The following DOCK4 variants were observed in gnomAD, a reference collection of about 807,000 sequenced individuals.
The protein encoded by DOCK4 is dedicator of cytokinesis protein 4.
In DOCK4, 97 loss-of-function variants were observed where a neutral mutation model predicts 268.1. That is an observed-to-expected ratio of 0.36 (90% CI 0.31 to 0.43). DOCK4 has a LOEUF of 0.43. Among genes scored for constraint, DOCK4 ranks in the 20% least tolerant of loss-of-function variants. The pLI, the probability that DOCK4 is intolerant of heterozygous loss-of-function variation, is 1.00. For synonymous variants in DOCK4, 954 were observed against 887.2 expected (o/e 1.08, Z -1.34); for missense variants, 2,145 against 2,455.7 (o/e 0.87, Z 2.67).
chr7:111,839,508 T>C (rs1380298554), intron 25 of DOCK4, among the ~76,000 whole-genome samples: 1 of 152,230 alleles, frequency 6.6e-6, no homozygotes, highest in Non-Finnish European at 1.5e-5. Context: ...CAATAAGGAA[T>C]AGACTTTCAT....
chr7:112,041,592 C>T (rs1226638892), intron 1 of DOCK4, among the ~76,000 whole-genome samples: 1 of 152,152 alleles, frequency 6.6e-6, no homozygotes, highest in Non-Finnish European at 1.5e-5. Flanking sequence ...GATTCCAAAC[C>T]CAATACCATT....
At chr7:111,934,523 G>GTTTTTTTTTTTTTTTTTTTTTTTTT (rs1183672033) in intron 12 of DOCK4, among the ~76,000 whole-genome samples, 3 of 83,872 alleles carry the variant, frequency 3.6e-5, no homozygotes, top group African/African-American at 1.2e-4. Context: ...TTTTGTTTTT[G>GTTTTTTTTTTTTTTTTTTTTTTTTT]TTTTTTTTTT....
chr7:112,064,943 AC>A (rs1806782021), intron 1 of DOCK4, among the ~76,000 whole-genome samples: 1 of 152,176 alleles, frequency 6.6e-6, no homozygotes, highest in Admixed American at 6.5e-5. Context: ...CTCTGGAGAA[AC>A]CAAACCTGCT....
chr7:111,768,266 T>A (rs529102236), intron 37 of DOCK4, among the ~76,000 whole-genome samples: 33 of 152,240 alleles, frequency 2.2e-4, no homozygotes, highest in Non-Finnish European at 3.8e-4. Flanking sequence ...GACCAATAAA[T>A]GAATTCAGAG....
chr7:111,936,623 T>C (rs913509603), intron 11 of DOCK4, among the ~76,000 whole-genome samples: 2 of 152,132 alleles, frequency 1.3e-5, no homozygotes, highest in African/African-American at 2.4e-5. Context: ...CTCTCCCAGA[T>C]TGGCTGGGGA....
At chr7:111,863,120 G>GCTT (rs1805686840) in intron 23 of DOCK4, 1 of 460,810 alleles carries the variant, frequency 2.2e-6, no homozygotes, top group African/African-American at 2.0e-5. Context: ...AAGCATCTCT[G>GCTT]AAGGAGTGTT....
intron 1 of DOCK4, among the ~76,000 whole-genome samples, chr7:112,118,268 C>T (rs2115841447): frequency 6.6e-6 from 1 of 152,102 alleles, no homozygotes; most frequent in African/African-American, 2.4e-5. Context: ...CTTACTTGGG[C>T]TATATTCAAT....
chr7:111,816,374 A>T (rs1014582277), intron 27 of DOCK4, among the ~76,000 whole-genome samples: 7 of 152,192 alleles, frequency 4.6e-5, no homozygotes, highest in African/African-American at 1.7e-4. Flanking sequence ...GGCAGCAAAA[A>T]ATCAACGCAA....
Position 111,755,710 on chromosome 7 carries a change from C to T in DOCK4, c.4330-109G>A, listed in dbSNP as rs563834649. 171 of 969,148 alleles carry T rather than the reference C, an allele frequency of 1.8e-4. 1 individual carries two copies. In the Middle Eastern group the frequency reaches 6.5e-3, roughly 37 times the overall value. 60.0% of individuals were successfully genotyped at this position (969,148 alleles called of 1,614,324 possible). On this transcript the variant is annotated intron_variant, in intron 41 of 52. Coordinates refer to ENST00000428084, the MANE Select transcript of DOCK4 (RefSeq NM_001363540.2). ...ACCAGGCTTTGCTTATTCCTGTCAGCCTTTCTTTAGTCTTCATTCAAGCAC... is the reference window on the plus strand; with the variant it reads ...ACCAGGCTTTGCTTATTCCTGTCAGTCTTTCTTTAGTCTTCATTCAAGCAC...
intron 1 of DOCK4, among the ~76,000 whole-genome samples, chr7:112,045,610 A>T (rs766442221): frequency 9.2e-5 from 14 of 152,250 alleles, no homozygotes; most frequent in Non-Finnish European, 2.1e-4. Flanking sequence ...GCTGAGAACA[A>T]AGATCAAGTC....
chr7:112,103,425 G>A (rs1359195551), intron 1 of DOCK4, among the ~76,000 whole-genome samples: 1 of 152,118 alleles, frequency 6.6e-6, no homozygotes. Context: ...GTTCCTGAGA[G>A]CCAGGGGGAA....
intron 8 of DOCK4, among the ~76,000 whole-genome samples, chr7:111,951,029 C>T (rs140288872): frequency 2.5e-4 from 38 of 152,192 alleles, no homozygotes; most frequent in African/African-American, 3.9e-4. Context: ...GCAATCTCTC[C>T]GCAGGAGAAA....
intron 42 of DOCK4, among the ~76,000 whole-genome samples, chr7:111,751,330 G>A (rs1475751790): frequency 1.3e-5 from 2 of 152,132 alleles, no homozygotes; most frequent in Non-Finnish European, 2.9e-5. Context: ...AAAAAATAAG[G>A]AAAGTGATGC....
chr7:111,739,601 G>A (rs1795758133), intron 47 of DOCK4, 124 bp from the exon 48 acceptor site: 5 of 764,572 alleles, frequency 6.5e-6, no homozygotes, highest in African/African-American at 3.5e-5. Context: ...TAACAATATA[G>A]AAAATCTTAA....
intron 37 of DOCK4, among the ~76,000 whole-genome samples, chr7:111,768,528 C>T (rs1247519171): frequency 6.6e-6 from 1 of 152,144 alleles, no homozygotes; most frequent in Admixed American, 6.5e-5. Context: ...GAGTCTAAGA[C>T]ATGTACCACC....
intron 1 of DOCK4, among the ~76,000 whole-genome samples, chr7:112,037,932 T>A (rs1286417020): frequency 6.6e-6 from 1 of 152,246 alleles, no homozygotes; most frequent in African/African-American, 2.4e-5. Context: ...TTTCAGCCAT[T>A]CTAATGGTTA....
At chr7:112,131,609 G>A (rs1310355694) in intron 1 of DOCK4, among the ~76,000 whole-genome samples, 1 of 152,056 alleles carries the variant, frequency 6.6e-6, no homozygotes, top group African/African-American at 2.4e-5. Context: ...TACAATGCAG[G>A]AAACAGCTAA....
At chr7:112,009,799 A>C (rs1025954591) in intron 1 of DOCK4, among the ~76,000 whole-genome samples, 8 of 152,086 alleles carry the variant, frequency 5.3e-5, no homozygotes, top group Non-Finnish European at 8.8e-5. Context: ...GATTAAGGAG[A>C]ACTAAATTCT....
At chr7:112,028,934 C>T (rs536264662) in intron 1 of DOCK4, among the ~76,000 whole-genome samples, 9 of 152,364 alleles carry the variant, frequency 5.9e-5, no homozygotes, top group African/African-American at 2.2e-4. Flanking sequence ...ATAATTAATG[C>T]TGTGGCTAGA....
Sources: allele counts gnomAD v4.1 joint callset (sites outside exome capture counted in the v4.1 genomes callset), GRCh38; gene constraint gnomAD v4.1.1; transcripts MANE v1.5; gene names NCBI Gene and HGNC (gene_info 2026-07-23, HGNC 2026-07-21).